DLGAP1: variants seen among roughly 807,000 people sequenced by gnomAD.
DLGAP1 encodes the protein DLG associated protein 1.
In DLGAP1, 11 loss-of-function variants were observed where a neutral mutation model predicts 90.8. The ratio of observed to expected loss-of-function variants is 0.12; its 90% confidence interval spans 0.08 to 0.20. The LOEUF is 0.20. Among genes scored for constraint, DLGAP1 ranks in the 10% least tolerant of loss-of-function variants. The pLI is 1.00. For missense variants in DLGAP1, 1,050 were observed against 1,333.8 expected (o/e 0.79, Z 3.31); for synonymous variants, 558 against 540.7 (o/e 1.03, Z -0.44).
At chr18:4,375,255 A>G (rs1374613006) in intron 1 of DLGAP1, among the ~76,000 whole-genome samples, 1 of 152,170 alleles carries the variant, frequency 6.6e-6, no homozygotes, top group Non-Finnish European at 1.5e-5. Context: ...GCTGATGAGG[A>G]ACGAAGCTAC....
intron 2 of DLGAP1, among the ~76,000 whole-genome samples, chr18:4,045,900 A>G (rs1273083660): frequency 6.6e-6 from 1 of 151,694 alleles, no homozygotes; most frequent in African/African-American, 2.4e-5. Flanking sequence ...TCAGCCTCCC[A>G]AAGTGCTGGG....
chr18:3,731,281 G>A lies in DLGAP1; in HGVS notation c.1351-1906C>T, dbSNP rs118183135. Among the ~76,000 whole-genome samples the A allele has an allele frequency of 3.6e-3, 544 of 151,954 alleles. 1 individual carries two copies. Among genetic ancestry groups the A allele is most frequent in the Non-Finnish European group, 5.9e-3 (400 of 67,964 alleles). On this transcript the variant is annotated intron_variant, in intron 6 of 12. Transcript: ENST00000315677. ...GAGATAGCAAAATATTTCTGTCAAG[G>A]TAACAACCATTAAACTCGGATGATT... is the stretch of plus-strand genomic sequence containing the variant.
At chr18:4,124,950 C>T (rs930830095) in intron 2 of DLGAP1, among the ~76,000 whole-genome samples, 6 of 152,226 alleles carry the variant, frequency 3.9e-5, no homozygotes, top group East Asian at 1.9e-4. Context: ...CTAGGTACCC[C>T]GGAATCAGGG....
At chr18:4,258,559 T>A (rs1391641378) in intron 1 of DLGAP1, among the ~76,000 whole-genome samples, 1 of 152,004 alleles carries the variant, frequency 6.6e-6, no homozygotes, top group Non-Finnish European at 1.5e-5. Context: ...ATTGTGAACA[T>A]TTTCCTACAC....
intron 7 of DLGAP1, among the ~76,000 whole-genome samples, chr18:3,590,100 G>C (rs1478725184): frequency 6.6e-6 from 1 of 152,052 alleles, no homozygotes; most frequent in South Asian, 2.1e-4. Context: ...AATAGAGATG[G>C]GGTTTCACCA....
At chr18:3,553,303 CTT>C (rs2053577044) in intron 9 of DLGAP1, among the ~76,000 whole-genome samples, 1 of 152,106 alleles carries the variant, frequency 6.6e-6, no homozygotes, top group Admixed American at 6.6e-5. Context: ...TCCACCAACT[CTT>C]TAAATGTTCG....
At chr18:3,900,638 C>T (rs2071760826) in intron 3 of DLGAP1, among the ~76,000 whole-genome samples, 1 of 152,112 alleles carries the variant, frequency 6.6e-6, no homozygotes, top group African/African-American at 2.4e-5. Context: ...TAAATGGATA[C>T]TCCAAGACTT....
At chr18:4,154,608 T>C (rs1324160420) in intron 1 of DLGAP1, among the ~76,000 whole-genome samples, 1 of 152,076 alleles carries the variant, frequency 6.6e-6, no homozygotes. Flanking sequence ...TTTCATCAAA[T>C]ACATGTTTTG....
chr18:4,213,292 C>T (rs2077885414), intron 1 of DLGAP1, among the ~76,000 whole-genome samples: 1 of 152,040 alleles, frequency 6.6e-6, no homozygotes, highest in African/African-American at 2.4e-5. Context: ...TGGAGATTCT[C>T]TTGGGAAATG....
intron 7 of DLGAP1, among the ~76,000 whole-genome samples, chr18:3,666,162 C>G (rs2059875756): frequency 6.6e-6 from 1 of 152,080 alleles, no homozygotes; most frequent in African/African-American, 2.4e-5. Context: ...ATCCTTCCTA[C>G]GCAGAAAGAC....
chr18:4,130,782 T>C (rs1169117527), intron 2 of DLGAP1, among the ~76,000 whole-genome samples: 1 of 152,110 alleles, frequency 6.6e-6, no homozygotes, highest in Non-Finnish European at 1.5e-5. Flanking sequence ...GGAAGGCTGT[T>C]CTGAGAAGGT....
At chr18:3,844,114 A>G (rs899471371) in intron 4 of DLGAP1, among the ~76,000 whole-genome samples, 1 of 152,230 alleles carries the variant, frequency 6.6e-6, no homozygotes, top group Non-Finnish European at 1.5e-5. Flanking sequence ...TCTCCCGTGC[A>G]TAAAAACAGA....
chr18:4,217,724 AG>A (rs1345098489), intron 1 of DLGAP1, among the ~76,000 whole-genome samples: 2 of 151,870 alleles, frequency 1.3e-5, no homozygotes, highest in Admixed American at 6.6e-5. Context: ...CTTATTGTTG[AG>A]TTTTAAGATT....
chr18:4,265,645 C>CTCCCTCCCCT (rs1179884205), intron 1 of DLGAP1, among the ~76,000 whole-genome samples: 1 of 39,582 alleles, frequency 2.5e-5, no homozygotes, highest in Admixed American at 2.5e-4. Flanking sequence ...CTCCCCTTCC[C>CTCCCTCCCCT]TCCCTCCCTC....
chr18:4,000,497 CA>C (rs1208742551), intron 3 of DLGAP1, among the ~76,000 whole-genome samples: 1 of 152,166 alleles, frequency 6.6e-6, no homozygotes, highest in Admixed American at 6.5e-5. Flanking sequence ...ATGAGTTATA[CA>C]AAAAAATGTC....
intron 4 of DLGAP1, among the ~76,000 whole-genome samples, chr18:3,868,269 A>T (rs1215819991): frequency 2.0e-5 from 3 of 152,290 alleles, no homozygotes; most frequent in Admixed American, 6.5e-5. Context: ...TCATTTGCAA[A>T]CAAATGAACT....
chr18:4,018,014 C>T (rs1337341061), intron 2 of DLGAP1, among the ~76,000 whole-genome samples: 1 of 152,200 alleles, frequency 6.6e-6, no homozygotes, highest in East Asian at 1.9e-4. Context: ...GAAAATCACT[C>T]ACATGCCTTA....
intron 7 of DLGAP1, among the ~76,000 whole-genome samples, chr18:3,683,639 T>A (rs2060598990): frequency 6.6e-6 from 1 of 152,128 alleles, no homozygotes; most frequent in African/African-American, 2.4e-5. Flanking sequence ...GCAGCAGTAA[T>A]GAGGCTCAGA....
intron 1 of DLGAP1, among the ~76,000 whole-genome samples, chr18:4,205,831 C>A (rs1202504166): frequency 3.3e-5 from 5 of 152,210 alleles, no homozygotes; most frequent in Non-Finnish European, 7.3e-5. Context: ...GGAGAAGCCA[C>A]ATACAATCGC....
Sources: gnomAD v4.1 joint callset for allele counts (sites outside exome capture counted in the v4.1 genomes callset) on GRCh38, gnomAD v4.1.1 for gene constraint, MANE v1.5 for transcripts, NCBI Gene and HGNC (gene_info 2026-07-23, HGNC 2026-07-21) for gene names.